The following PHF24 variants were observed in gnomAD, a reference collection of about 807,000 sequenced individuals.
PHF24 encodes PHD finger protein 24.
PHF24 carries 25 observed loss-of-function variants against 42.6 expected under a neutral mutation model. The observed-to-expected ratio is 0.59, with a 90% CI of 0.43 to 0.82. PHF24 has a LOEUF of 0.82. Ranked by LOEUF, PHF24 falls within the 40% of genes least tolerant of loss-of-function variation. PHF24 has a pLI of 0.00. For synonymous variants in PHF24, 185 were observed against 204.8 expected (o/e 0.90, Z 0.83); for missense variants, 470 against 538.1 (o/e 0.87, Z 1.25).
At chr9:34,734,916 A>G in the PHF24 span, among the ~76,000 whole-genome samples, 4 of 152,224 alleles carry the variant, frequency 2.6e-5, no homozygotes, top group African/African-American at 9.6e-5. Flanking sequence ...ACCAGCCTCA[A>G]CCATAAACAC....
chr9:34,875,942 ACACACACACTCTCTCTCTCTCT>A, the PHF24 span, among the ~76,000 whole-genome samples: 943 of 86,852 alleles, frequency 0.011, 9 homozygotes, highest in East Asian at 0.037. Flanking sequence ...ACACACACAC[ACACACACACTCTCTCTCTCTCT>A]CTCTCTCTCT....
the PHF24 span, among the ~76,000 whole-genome samples, chr9:34,873,156 C>A: frequency 2.0e-5 from 3 of 151,082 alleles, no homozygotes; most frequent in African/African-American, 7.3e-5. Context: ...CTGTAGGTTG[C>A]CTGTTCACTC....
the PHF24 span, among the ~76,000 whole-genome samples, chr9:34,682,448 A>T: frequency 4.6e-5 from 7 of 151,760 alleles, no homozygotes; most frequent in African/African-American, 1.4e-4. Context: ...GGGGGGGTGA[A>T]TTTTTTTTGG....
the PHF24 span, among the ~76,000 whole-genome samples, chr9:34,671,300 G>A: frequency 6.6e-6 from 1 of 152,208 alleles, no homozygotes; most frequent in Non-Finnish European, 1.5e-5. Context: ...TTGCCAATTT[G>A]TCTGAGTCCA....
At chr9:34,846,761 T>A in the PHF24 span, among the ~76,000 whole-genome samples, 1 of 152,230 alleles carries the variant, frequency 6.6e-6, no homozygotes, top group Non-Finnish European at 1.5e-5. Flanking sequence ...TAATCCATCT[T>A]GAATTAATTT....
chr9:34,897,184 G>T, the PHF24 span, among the ~76,000 whole-genome samples: 3 of 152,212 alleles, frequency 2.0e-5, no homozygotes, highest in East Asian at 5.8e-4. Context: ...TCTCTGAAAA[G>T]GGTATTTGAT....
chr9:34,740,223 G>A, the PHF24 span, among the ~76,000 whole-genome samples: 11 of 152,212 alleles, frequency 7.2e-5, no homozygotes, highest in South Asian at 4.1e-4. Flanking sequence ...GCCAGTCCCC[G>A]GCCGTGCGCC....
At chr9:34,832,149 C>A in the PHF24 span, 1 of 297,914 alleles carries the variant, frequency 3.4e-6, no homozygotes, top group Non-Finnish European at 6.2e-6. Flanking sequence ...TCTAGTGGCA[C>A]CCTGCCCCAC....
At chr9:34,720,245 C>G in the PHF24 span, among the ~76,000 whole-genome samples, 1 of 152,050 alleles carries the variant, frequency 6.6e-6, no homozygotes, top group Non-Finnish European at 1.5e-5. Flanking sequence ...GAGATCGAGA[C>G]CATCCTGGCT....
the PHF24 span, among the ~76,000 whole-genome samples, chr9:34,755,886 A>G: frequency 1.3e-5 from 2 of 152,184 alleles, no homozygotes; most frequent in South Asian, 2.1e-4. Context: ...TTGGTTGTCT[A>G]TTCACTCTGT....
the PHF24 span, chr9:34,922,190 T>C: frequency 6.3e-7 from 1 of 1,588,294 alleles, no homozygotes; most frequent in Non-Finnish European, 8.6e-7. Flanking sequence ...CCGGTTAATT[T>C]TCCCCTCCTT....
At chr9:34,796,687 C>G in the PHF24 span, among the ~76,000 whole-genome samples, 13 of 152,198 alleles carry the variant, frequency 8.5e-5, no homozygotes, top group Non-Finnish European at 1.9e-4. Flanking sequence ...AGCAGCGCAA[C>G]TGGATCTCTC....
chr9:34,694,714 C>A, the PHF24 span, among the ~76,000 whole-genome samples: 2 of 152,110 alleles, frequency 1.3e-5, no homozygotes, highest in African/African-American at 4.8e-5. Context: ...GGTGATCCAC[C>A]CGCCTCGGCC....
the PHF24 span, chr9:34,833,608 C>G: frequency 1.3e-6 from 2 of 1,546,026 alleles, no homozygotes; most frequent in South Asian, 1.2e-5. Context: ...TCTCTAGGAC[C>G]TTTTTTCTCA....
At chr9:34,854,196 A>ATTTTTTTT in the PHF24 span, among the ~76,000 whole-genome samples, 9 of 106,656 alleles carry the variant, frequency 8.4e-5, no homozygotes, top group Admixed American at 2.0e-4. Flanking sequence ...CAGTCTATCT[A>ATTTTTTTT]TTTTTTTTTT....
chr9:34,780,099 G>A, the PHF24 span, among the ~76,000 whole-genome samples: 3 of 151,900 alleles, frequency 2.0e-5, no homozygotes, highest in Non-Finnish European at 4.4e-5. Flanking sequence ...TGGGAAAACT[G>A]GATCTCCATA....
the PHF24 span, among the ~76,000 whole-genome samples, chr9:34,860,331 G>A: frequency 2.0e-5 from 3 of 152,150 alleles, no homozygotes; most frequent in East Asian, 1.9e-4. Flanking sequence ...AGTGGGAGTC[G>A]TAGAAGAGTT....
At chr9:34,704,478 A>AGTGTGTGTGTGT in the PHF24 span, among the ~76,000 whole-genome samples, 3 of 150,712 alleles carry the variant, frequency 2.0e-5, no homozygotes, top group African/African-American at 7.3e-5. Flanking sequence ...TGATTTCATT[A>AGTGTGTGTGTGT]GTGTGTGTGT....
chr9:34,978,309 A>G (rs1827278134), exon 8 of PHF24: 1 of 546,110 alleles, frequency 1.8e-6, no homozygotes, highest in African/African-American at 1.9e-5. Context: ...CACAAGGAGA[A>G]GCCCTGGGAG....
Sources: allele counts gnomAD v4.1 joint callset (sites outside exome capture counted in the v4.1 genomes callset), GRCh38; gene constraint gnomAD v4.1.1; transcripts MANE v1.5; gene names NCBI Gene and HGNC (gene_info 2026-07-23, HGNC 2026-07-21).